The following ATP6V0D1 variants were observed in gnomAD, a reference collection of about 807,000 sequenced individuals.
ATP6V0D1 encodes V-type proton ATPase subunit d 1.
A neutral mutation model predicts 39.0 loss-of-function variants in ATP6V0D1; 13 were observed. The observed-to-expected ratio is 0.33, with a 90% CI of 0.22 to 0.53. The LOEUF (loss-of-function observed/expected upper bound fraction) is 0.53, where lower values mean the gene tolerates loss of function less well. ATP6V0D1 is among the 20% of genes least tolerant of loss of function. The pLI, the probability that ATP6V0D1 is intolerant of heterozygous loss-of-function variation, is 0.94. For synonymous variants in ATP6V0D1, 191 were observed against 191.2 expected, an observed-to-expected ratio of 1.00 and a Z score of 0.01; for missense variants, 272 against 470.9, an observed-to-expected ratio of 0.58 and a Z score of 3.91.
Position 67,453,955 on chromosome 16 carries a change from G to A in ATP6V0D1, c.131-240C>T, listed in dbSNP as rs560046613. Among the ~76,000 whole-genome samples, 38 of 152,346 alleles carry A rather than the reference G, an allele frequency of 2.5e-4. No individual in the cohort carries two copies. Among genetic ancestry groups the A allele is most frequent in the Non-Finnish European group, 3.8e-4 (26 of 68,026 alleles). On this transcript the variant is annotated intron_variant, in intron 1 of 7. Coordinates refer to ENST00000290949, the MANE Select transcript of ATP6V0D1 (RefSeq NM_004691.5). The surrounding 1 kb of genome is among the most constrained non-coding windows in gnomAD (Gnocchi z 4.1). ...ATGGAGCCCCAAAGTTCGAGCATAAGAGGAACAGTTCCTCCCCAAGATGAC... is the reference window on the plus strand; with the variant it reads ...ATGGAGCCCCAAAGTTCGAGCATAAAAGGAACAGTTCCTCCCCAAGATGAC...
At chr16:67,460,606 C>T (rs1433532354) in intron 1 of ATP6V0D1, among the ~76,000 whole-genome samples, 1 of 152,190 alleles carries the variant, frequency 6.6e-6, no homozygotes, top group Non-Finnish European at 1.5e-5. Flanking sequence ...CCTCACGTAA[C>T]ACCAATTGAC....
chr16:67,447,935 A>G lies in ATP6V0D1; in HGVS notation c.303-3229T>C, dbSNP rs1597571692. Among the ~76,000 whole-genome samples the G allele has an allele frequency of 6.6e-6, 1 of 152,162 alleles. No homozygotes were observed. The highest frequency in any genetic ancestry group is 2.1e-4 in the South Asian group (1 of 4,830). The stretch of plus-strand genomic sequence containing the variant: ...CTGCTAATGACAGTATCTGTATTCA[A>G]TCACTTCTGGGTCCTGAAGAGCCCT... On this transcript the variant is annotated intron_variant, in intron 2 of 7. Coordinates refer to ENST00000290949, the MANE Select transcript of ATP6V0D1 (RefSeq NM_004691.5). The surrounding 1 kb of genome is among the most constrained non-coding windows in gnomAD (Gnocchi z 4.1).
chr16:67,466,320 AACACATAC>A (rs1259121195), intron 1 of ATP6V0D1, among the ~76,000 whole-genome samples: 2 of 116,256 alleles, frequency 1.7e-5, no homozygotes, highest in African/African-American at 3.6e-5. Context: ...GTATCTAGTA[AACACATAC>A]ACACACACAC....
intron 1 of ATP6V0D1, among the ~76,000 whole-genome samples, chr16:67,478,742 T>C (rs760148034): frequency 5.9e-5 from 9 of 151,754 alleles, no homozygotes; most frequent in Non-Finnish European, 4.4e-5. Flanking sequence ...TGGGTGCCTA[T>C]GTTGAGCAGT....
intron 1 of ATP6V0D1, among the ~76,000 whole-genome samples, chr16:67,468,924 A>T (rs548387017): frequency 6.6e-6 from 1 of 152,214 alleles, no homozygotes; most frequent in Non-Finnish European, 1.5e-5. Flanking sequence ...GCAAGTTCTG[A>T]CAAGACATCC....
At chr16:67,443,015 A>C (rs2041071596) in intron 4 of ATP6V0D1, 84 bp downstream of exon 4, 1 of 1,410,192 alleles carries the variant, frequency 7.1e-7, no homozygotes, top group African/African-American at 1.4e-5. Flanking sequence ...CTGTCCCAGC[A>C]CCTCACATAA....
intron 2 of ATP6V0D1, among the ~76,000 whole-genome samples, chr16:67,450,826 T>C (rs2041171583): frequency 1.3e-5 from 2 of 151,784 alleles, no homozygotes; most frequent in Admixed American, 6.6e-5. Flanking sequence ...GGGAGTAAGG[T>C]GAGGGCACTC....
intron 1 of ATP6V0D1, among the ~76,000 whole-genome samples, chr16:67,472,757 C>T (rs1417510854): frequency 6.6e-6 from 1 of 152,068 alleles, no homozygotes; most frequent in African/African-American, 2.4e-5. Context: ...GTAGTGCCAG[C>T]TACTCGGGAG....
intron 1 of ATP6V0D1, among the ~76,000 whole-genome samples, chr16:67,463,655 C>T (rs955844805): frequency 6.6e-6 from 1 of 152,108 alleles, no homozygotes; most frequent in African/African-American, 2.4e-5. Context: ...AGAGTTAATC[C>T]ATCCCATACC....
At chr16:67,446,835 C>T (rs1006558197) in intron 2 of ATP6V0D1, among the ~76,000 whole-genome samples, 20 of 152,116 alleles carry the variant, frequency 1.3e-4, no homozygotes, top group African/African-American at 2.4e-5. Flanking sequence ...AGAAAAAGCA[C>T]ACCCAAGGCC....
chr16:67,444,706 A>G lies in ATP6V0D1; in HGVS notation c.303T>C (p.Thr101=). Residue 101 remains threonine (T), a splice_region_variant and synonymous_variant, in exon 3 of 8, where the codon ACT becomes ACC. Coordinates refer to ENST00000290949, the MANE Select transcript of ATP6V0D1 (RefSeq NM_004691.5). The surrounding 1 kb of genome is among the most constrained non-coding windows in gnomAD (Gnocchi z 4.8). The part of the protein sequence containing the change: ...EPLASFLDFI[T]YSYMIDNVIL... ...TCACGTTGTCGATCATGTAACTGTA[A>G]CTACAGGGGGCAGGCAATAGCAAGG... 1 of 1,590,770 alleles carries G rather than the reference A, an allele frequency of 6.3e-7. No homozygotes were observed.
At chr16:67,452,386 G>A in intron 2 of ATP6V0D1, 1 of 1,535,604 alleles carries the variant, frequency 6.5e-7, no homozygotes, top group African/African-American at 1.4e-5. Context: ...TTTGGCTGCA[G>A]CACTTCTTGA....
intron 1 of ATP6V0D1, among the ~76,000 whole-genome samples, chr16:67,459,809 G>A (rs2041274885): frequency 6.6e-6 from 1 of 152,234 alleles, no homozygotes; most frequent in African/African-American, 2.4e-5. Flanking sequence ...GAGGGTCCTG[G>A]CCCGTGCCAG....
intron 3 of ATP6V0D1, 52 bp from the exon 4 acceptor site, chr16:67,443,230 C>T: frequency 6.3e-7 from 1 of 1,582,454 alleles, no homozygotes; most frequent in Non-Finnish European, 8.7e-7. Context: ...GGCCAGAATC[C>T]TGATGTTCAA....
chr16:67,480,964 C>A lies in ATP6V0D1; in HGVS notation c.123G>T (p.Thr41=), dbSNP rs201244741. 1 of 1,614,092 alleles carries A rather than the reference C, an allele frequency of 6.2e-7. No individual in the cohort carries two copies. Among genetic ancestry groups the A allele is most frequent in the South Asian group, 1.1e-5 (1 of 91,082 alleles). ...TTCGCGGCCCCGGCTCACCCTCTAG[C>A]GTCTCGCACTGCACCAGGTTGAGGT... is the stretch of plus-strand genomic sequence containing the variant. ...ADYLNLVQCE[T]LEDLKLHLQS... The change falls in exon 1 of 8, where the codon ACG becomes ACT. Residue 41 remains threonine, a synonymous_variant. Transcript: ENST00000290949.
intron 1 of ATP6V0D1, among the ~76,000 whole-genome samples, chr16:67,462,854 G>A (rs1312461384): frequency 6.6e-6 from 1 of 151,406 alleles, no homozygotes; most frequent in Non-Finnish European, 1.5e-5. Flanking sequence ...CCTGGCCCAT[G>A]CCCATGTCTA....
chr16:67,453,278 T>A lies in ATP6V0D1; in HGVS notation c.302+266A>T, dbSNP rs529859368. On this transcript the variant is annotated intron_variant, in intron 2 of 7. Coordinates refer to ENST00000290949, the MANE Select transcript of ATP6V0D1 (RefSeq NM_004691.5). The surrounding 1 kb of genome is among the most constrained non-coding windows in gnomAD (Gnocchi z 4.1). ...TGCGTGGGACACTCTTGCCTGCCCA[T>A]CATATCTTCAGCCAGTAGTGAACGT... 6.6e-6 allele frequency among the ~76,000 whole-genome samples: 1 copy of A among 152,186 alleles called. No individual in the cohort carries two copies. The highest frequency in any genetic ancestry group is 1.9e-4 in the East Asian group (1 of 5,194).
chr16:67,439,461 G>T, intron 4 of ATP6V0D1, 110 bp from the exon 5 acceptor site: 1 of 1,024,334 alleles, frequency 9.8e-7, no homozygotes, highest in African/African-American at 1.6e-5. Flanking sequence ...TTCAAGGTGG[G>T]TACAAGCACA....
rs563958137 is a variant in ATP6V0D1 at position 67,447,223 on chromosome 16, G to A, written c.303-2517C>T. ...AACCCAAGCCAGGCCAATCGTGGGCGATCCTGTGCCAGGCCCAGCACTTCC... is the reference window on the plus strand; with the variant it reads ...AACCCAAGCCAGGCCAATCGTGGGCAATCCTGTGCCAGGCCCAGCACTTCC... On this transcript the variant is annotated intron_variant, in intron 2 of 7. Coordinates refer to ENST00000290949, the MANE Select transcript of ATP6V0D1 (RefSeq NM_004691.5). This position sits in a 1 kb window ranked among gnomAD's most constrained non-coding sequence, Gnocchi z 4.1. Among the ~76,000 whole-genome samples, 15 of 152,352 alleles carry A rather than the reference G, an allele frequency of 9.8e-5. No homozygotes were observed. In the South Asian group the frequency reaches 2.9e-3, roughly 29 times the overall value.
Sources: gnomAD v4.1 joint callset for allele counts (sites outside exome capture counted in the v4.1 genomes callset) on GRCh38, gnomAD v4.1.1 for gene constraint, Gnocchi (gnomAD v3.1) non-coding constraint, MANE v1.5 for transcripts, NCBI Gene and HGNC (gene_info 2026-07-23, HGNC 2026-07-21) for gene names.